The following WDHD1 variants were observed in gnomAD, a reference collection of about 807,000 sequenced individuals.
WDHD1 encodes the protein WD repeat and HMG-box DNA binding protein 1.
A neutral mutation model predicts 135.4 loss-of-function variants in WDHD1; 111 were observed. The ratio of observed to expected loss-of-function variants is 0.82; its 90% CI spans 0.70 to 0.96. The LOEUF is 0.96. Among genes scored for constraint, WDHD1 ranks in the 40% least tolerant of loss-of-function variants. The pLI, the probability that WDHD1 is intolerant of heterozygous loss-of-function variation, is 0.00. For missense variants in WDHD1, 1,351 were observed against 1,336.3 expected (o/e 1.01, Z -0.17); for synonymous variants, 434 against 439.0 (o/e 0.99, Z 0.14).
At position 55,010,388 on chromosome 14, in the gene WDHD1, C is replaced by A; in HGVS notation, c.262G>T (p.Gly88Cys). The change falls in exon 4 of 26, where the codon GGT becomes TGT. Residue 88 changes from glycine (G) to cysteine (C), a missense_variant. By Grantham distance (159) the Gly-to-Cys change is radical. Transcript: ENST00000360586. Reference sequence around the variant, plus strand: ...TTTGTAGTGAAGCGAGTCAATATACCATCTGGAACTCCTTCAGGAAATGTG... The same window carrying A: ...TTTGTAGTGAAGCGAGTCAATATACAATCTGGAACTCCTTCAGGAAATGTG... ...VHTFPEGVPD[G>C]ILTRFTTNAN... 6.2e-7 allele frequency: 1 copy of A among 1,613,270 alleles called. No homozygotes were observed. Among genetic ancestry groups the A allele is most frequent in the East Asian group, 2.2e-5 (1 of 44,808 alleles).
rs1299080671 is a variant in WDHD1, at chr14:54,940,266, G to C, written c.*1224C>G. The C allele has an allele frequency of 6.6e-6, 1 of 152,064 alleles. No individual in the cohort carries two copies. Among genetic ancestry groups the C allele is most frequent in the Non-Finnish European group, 1.5e-5 (1 of 68,008 alleles). The allele number at this position is 152,064 out of a possible 1,614,324, so 9.4% of individuals were successfully genotyped here. ...AACTATTAGTAGTAGGTAGAGAAGC[G>C]GGTCTCCGAACCTAGGTAATCTGGC... On this transcript the variant is annotated 3_prime_UTR_variant, in exon 26 of 26. Transcript: ENST00000360586.
At chr14:55,019,963 T>C (rs1296783126) in intron 2 of WDHD1, among the ~76,000 whole-genome samples, 1 of 152,192 alleles carries the variant, frequency 6.6e-6, no homozygotes, top group Admixed American at 6.5e-5. Context: ...GAGTCAATGA[T>C]TACCAACGCA....
chr14:54,983,146 AGAGT>A (rs1037411652), intron 15 of WDHD1, among the ~76,000 whole-genome samples: 39 of 152,288 alleles, frequency 2.6e-4, no homozygotes, highest in African/African-American at 9.1e-4. Flanking sequence ...CCTGGGTGAC[AGAGT>A]GAGACTCTGC....
intron 21 of WDHD1, among the ~76,000 whole-genome samples, chr14:54,960,791 C>T (rs1383597612): frequency 6.7e-6 from 1 of 150,362 alleles, no homozygotes; most frequent in African/African-American, 2.5e-5. Context: ...CAGGCGTGAG[C>T]CACCACGCCT....
rs114520145 is a variant in WDHD1, at chr14:54,978,239, T to C, written c.2063+3301A>G. On this transcript the variant is annotated intron_variant, in intron 16 of 25. Coordinates refer to ENST00000360586, the MANE Select transcript of WDHD1 (RefSeq NM_007086.4). ...ACTAAACTAACTAGATTCCTGAAAA[T>C]GGACATGCAAGAAATCACTGAGAAC... 1.7e-3 allele frequency among the ~76,000 whole-genome samples: 266 copies of C among 152,228 alleles called. 1 individual carries two copies. Among genetic ancestry groups the C allele is most frequent in the African/African-American group, 6.2e-3 (258 of 41,526 alleles).
intron 16 of WDHD1, among the ~76,000 whole-genome samples, chr14:54,968,377 C>T (rs567049609): frequency 1.3e-4 from 20 of 151,986 alleles, no homozygotes; most frequent in Non-Finnish European, 2.4e-4. Context: ...TTAAGAGGAA[C>T]GTTTATAGCA....
intron 8 of WDHD1, among the ~76,000 whole-genome samples, chr14:55,001,273 T>C (rs766905700): frequency 6.6e-6 from 1 of 152,216 alleles, no homozygotes; most frequent in African/African-American, 2.4e-5. Context: ...TTTTATTTTA[T>C]TTTTAGAGTC....
chr14:54,946,743 C>T (rs2040932292), intron 24 of WDHD1, among the ~76,000 whole-genome samples: 1 of 152,212 alleles, frequency 6.6e-6, no homozygotes, highest in Non-Finnish European at 1.5e-5. Context: ...TCATGTTGGC[C>T]TTCCAAAGTG....
At chr14:54,946,346 G>T (rs896899460) in intron 24 of WDHD1, among the ~76,000 whole-genome samples, 2 of 152,160 alleles carry the variant, frequency 1.3e-5, no homozygotes, top group African/African-American at 2.4e-5. Context: ...ACAGCCACCT[G>T]GCTAAAACTG....
intron 12 of WDHD1, among the ~76,000 whole-genome samples, chr14:54,990,582 C>T (rs1221122565): frequency 3.4e-5 from 5 of 146,344 alleles, no homozygotes; most frequent in South Asian, 4.3e-4. Flanking sequence ...GGCAACAGAG[C>T]GAGACTCCAT....
In WDHD1 at chr14:54,941,587, T is replaced by A; in HGVS notation, c.3293A>T (p.Glu1098Val). ...DESDETENQE[E>V]KAKENLNLSK... ...CAAATTCAGGTTCTCTTTTGCTTTTTCTTCCTGGTTTTCTGTTTCATCACT... is the reference window on the plus strand; with the variant it reads ...CAAATTCAGGTTCTCTTTTGCTTTTACTTCCTGGTTTTCTGTTTCATCACT... The change falls in exon 26 of 26, where the codon GAA (glutamate) becomes GTA (valine). Residue 1098 changes from glutamate (E) to valine (V), a missense_variant. Glu to Val is a moderately radical substitution (Grantham distance 121). Around this residue, in one of 2 missense-constraint regions of WDHD1, gnomAD observed 1,330 missense variants for 1,296.1 expected, o/e 1.03. Transcript: ENST00000360586. 1 of 1,614,054 alleles carries A rather than the reference T, an allele frequency of 6.2e-7. No individual in the cohort carries two copies. The highest frequency in any genetic ancestry group is 8.5e-7 in the Non-Finnish European group (1 of 1,179,956).
chr14:54,994,996 T>C (rs2041853770), intron 11 of WDHD1, among the ~76,000 whole-genome samples: 1 of 152,234 alleles, frequency 6.6e-6, no homozygotes, highest in South Asian at 2.1e-4. Flanking sequence ...TTTCTTTTCT[T>C]TGGAGATGGA....
At chr14:54,986,820 G>A (rs2041702111) in intron 14 of WDHD1, among the ~76,000 whole-genome samples, 1 of 152,154 alleles carries the variant, frequency 6.6e-6, no homozygotes, top group Non-Finnish European at 1.5e-5. Context: ...CACATTCAGA[G>A]TTGTTTTGGC....
Position 55,000,662 on chromosome 14 carries a change from G to C in WDHD1, c.801-18C>G, listed in dbSNP as rs1211595681. On this transcript the variant is annotated intron_variant, in intron 9 of 25. Coordinates refer to ENST00000360586, the MANE Select transcript of WDHD1 (RefSeq NM_007086.4). ...GTTTCACCCTAAAAATTAAAAAGTAGGTTCTAAAAATACTGTCAAGAAAAA... is the reference window on the plus strand; with the variant it reads ...GTTTCACCCTAAAAATTAAAAAGTACGTTCTAAAAATACTGTCAAGAAAAA... 3.3e-6 allele frequency: 5 copies of C among 1,515,470 alleles called. No homozygotes were observed. Among genetic ancestry groups the C allele is most frequent in the Non-Finnish European group, 4.4e-6 (5 of 1,132,060 alleles). The allele number at this position is 1,515,470 out of a possible 1,614,324, so 93.9% of individuals were successfully genotyped here. A position where few individuals can be genotyped will look rare whatever the true frequency, so the allele number is the denominator to read the frequency against.
At chr14:54,972,647 G>T (rs1241483013) in intron 16 of WDHD1, among the ~76,000 whole-genome samples, 2 of 146,306 alleles carry the variant, frequency 1.4e-5, no homozygotes, top group East Asian at 2.0e-4. Flanking sequence ...AGTACTGTCG[G>T]TATGAGTTGT....
At chr14:55,015,456 T>C (rs1314394147) in intron 2 of WDHD1, among the ~76,000 whole-genome samples, 3 of 147,820 alleles carry the variant, frequency 2.0e-5, no homozygotes, top group African/African-American at 7.5e-5. Context: ...GCTTCTGCCA[T>C]GGTCTCATTT....
chr14:55,000,175 G>A (rs1367291031), intron 10 of WDHD1, among the ~76,000 whole-genome samples: 1 of 152,000 alleles, frequency 6.6e-6, no homozygotes, highest in African/African-American at 2.4e-5. Flanking sequence ...AAGCAGAGGA[G>A]GTGTATAGGT....
At chr14:54,984,525 A>T (rs1422669182) in intron 15 of WDHD1, among the ~76,000 whole-genome samples, 198 bp downstream of exon 15, 2 of 152,158 alleles carry the variant, frequency 1.3e-5, no homozygotes, top group African/African-American at 4.8e-5. Flanking sequence ...ACAAGATCTT[A>T]TACATAAAAC....
At chr14:55,023,175 T>G (rs928485934) in intron 2 of WDHD1, among the ~76,000 whole-genome samples, 7 of 152,214 alleles carry the variant, frequency 4.6e-5, no homozygotes, top group African/African-American at 1.7e-4. Flanking sequence ...CTGCTGGTAT[T>G]AAACTTTCCA....
Sources: gnomAD v4.1 joint callset for allele counts (sites outside exome capture counted in the v4.1 genomes callset) on GRCh38, gnomAD v4.1.1 for gene constraint, gnomAD v4.1.1 regional missense constraint, MANE v1.5 for transcripts, NCBI Gene and HGNC (gene_info 2026-07-23, HGNC 2026-07-21) for gene names.